The following RAB28 variants were observed in gnomAD, a reference collection of about 807,000 sequenced individuals.
The protein encoded by RAB28 is ras-related protein Rab-28.
Under a neutral mutation model 31.7 loss-of-function variants are expected in RAB28, and 24 were observed. That is an observed-to-expected ratio of 0.76 (90% CI 0.55 to 1.06). The LOEUF (loss-of-function observed/expected upper bound fraction) is 1.06. Ranked by LOEUF, RAB28 falls within the 50% of genes least tolerant of loss-of-function variation. The pLI is 0.00. For missense variants in RAB28, 254 were observed against 258.5 expected, an observed-to-expected ratio of 0.98 and a Z score of 0.12; for synonymous variants, 100 against 90.4, an observed-to-expected ratio of 1.11 and a Z score of -0.60.
At chr4:13,438,322 G>C (rs573941999) in intron 4 of RAB28, among the ~76,000 whole-genome samples, 3 of 152,224 alleles carry the variant, frequency 2.0e-5, no homozygotes, top group Admixed American at 1.3e-4. Context: ...AAAGCGTACA[G>C]TTTTTAGCAT....
intron 4 of RAB28, among the ~76,000 whole-genome samples, chr4:13,389,311 A>G (rs1388628508): frequency 1.3e-5 from 2 of 152,130 alleles, no homozygotes; most frequent in Non-Finnish European, 2.9e-5. Context: ...AGGCAGAGGA[A>G]AAAAGAAGTT....
chr4:13,483,281 T>C (rs1013041185), intron 1 of RAB28, among the ~76,000 whole-genome samples: 1 of 152,130 alleles, frequency 6.6e-6, no homozygotes, highest in Non-Finnish European at 1.5e-5. Flanking sequence ...CTGCCTGATA[T>C]TCTCACGCCC....
intron 4 of RAB28, among the ~76,000 whole-genome samples, chr4:13,397,737 G>T (rs1335021146): frequency 6.6e-6 from 1 of 151,894 alleles, no homozygotes; most frequent in East Asian, 1.9e-4. Flanking sequence ...GAAACTTGCG[G>T]ATTTTCTCTA....
At chr4:13,440,976 T>A (rs192345036) in intron 4 of RAB28, among the ~76,000 whole-genome samples, 1 of 151,948 alleles carries the variant, frequency 6.6e-6, no homozygotes, top group African/African-American at 2.4e-5. Flanking sequence ...ATTAGGAATG[T>A]GGAACTCAAA....
intron 4 of RAB28, among the ~76,000 whole-genome samples, chr4:13,395,893 T>A (rs1461112372): frequency 6.6e-5 from 10 of 152,068 alleles, no homozygotes; most frequent in Non-Finnish European, 1.5e-5. Flanking sequence ...TCCAACATGC[T>A]GTAAGAACAT....
At chr4:13,461,106 G>C (rs774248280) in intron 3 of RAB28, among the ~76,000 whole-genome samples, 1 of 152,082 alleles carries the variant, frequency 6.6e-6, no homozygotes, top group African/African-American at 2.4e-5. Context: ...GAATATGCTT[G>C]GTAAGTTACA....
chr4:13,430,547 T>C (rs1314906888), intron 4 of RAB28, among the ~76,000 whole-genome samples: 1 of 152,116 alleles, frequency 6.6e-6, no homozygotes, highest in Admixed American at 6.5e-5. Context: ...TTTGAGTACT[T>C]ACCGGGAATG....
intron 4 of RAB28, among the ~76,000 whole-genome samples, chr4:13,420,270 C>T (rs991154136): frequency 7.2e-5 from 11 of 152,092 alleles, no homozygotes; most frequent in African/African-American, 2.7e-4. Context: ...AATTAATGGT[C>T]TACCAACCAA....
At position 13,474,365 on chromosome 4, in the gene RAB28, G is replaced by A; in HGVS notation, c.214C>T (p.Gln72Ter). ...VTLQIWDIGG[Q>*]TIGGKMLDKY... ...TCCAACATTTTGCCTCCTATTGTCT[G>A]CCCTCCTATATCCCAAATTTGAAGG... Residue 72 changes from glutamine to a stop codon, truncating the protein, a stop_gained, in exon 3 of 7, where the codon CAG becomes TAG. Transcript: ENST00000330852. LOFTEE classifies it high-confidence loss of function. The A allele has an allele frequency of 1.3e-6, 2 of 1,597,854 alleles. No homozygotes were observed. Among genetic ancestry groups the A allele is most frequent in the Non-Finnish European group, 8.6e-7 (1 of 1,168,538 alleles).
intron 4 of RAB28, among the ~76,000 whole-genome samples, chr4:13,423,282 T>C (rs190477381): frequency 0.011 from 1,679 of 152,134 alleles, 14 homozygotes; most frequent in Non-Finnish European, 0.015. Context: ...ACGGCTGTAA[T>C]CCCAACACTT....
chr4:13,439,268 T>C (rs905634723), intron 4 of RAB28, among the ~76,000 whole-genome samples: 1 of 152,240 alleles, frequency 6.6e-6, no homozygotes, highest in South Asian at 2.1e-4. Context: ...TTAATTTTGA[T>C]GTAATATTTT....
At chr4:13,464,467 A>G (rs1194076795) in intron 3 of RAB28, among the ~76,000 whole-genome samples, 1 of 152,110 alleles carries the variant, frequency 6.6e-6, no homozygotes, top group Non-Finnish European at 1.5e-5. Context: ...TGAAGGTCAC[A>G]GTCCCGAAAT....
intron 6 of RAB28, among the ~76,000 whole-genome samples, chr4:13,374,701 C>A (rs1728852771): frequency 6.6e-6 from 1 of 152,126 alleles, no homozygotes; most frequent in Admixed American, 6.6e-5. Flanking sequence ...TCCCTTACAT[C>A]CATCCAACCT....
At chr4:13,392,791 C>T (rs987628328) in intron 4 of RAB28, among the ~76,000 whole-genome samples, 8 of 152,050 alleles carry the variant, frequency 5.3e-5, no homozygotes, top group South Asian at 2.1e-4. Flanking sequence ...GAAATAAATA[C>T]GTTAATTAGC....
intron 1 of RAB28, among the ~76,000 whole-genome samples, chr4:13,480,850 G>A (rs142663547): frequency 1.2e-3 from 187 of 151,836 alleles, no homozygotes; most frequent in African/African-American, 4.3e-3. Flanking sequence ...GAAAAGATAG[G>A]TATTTCTTTT....
chr4:13,408,852 A>G (rs1712256832), intron 4 of RAB28, among the ~76,000 whole-genome samples: 1 of 152,224 alleles, frequency 6.6e-6, no homozygotes, highest in Non-Finnish European at 1.5e-5. Flanking sequence ...TCAGTGTTTT[A>G]GAACACATTA....
chr4:13,435,074 C>T (rs1218698898), intron 4 of RAB28, among the ~76,000 whole-genome samples: 1 of 142,694 alleles, frequency 7.0e-6, no homozygotes, highest in African/African-American at 2.6e-5. Context: ...CAAAGAGGAA[C>T]TCTCAAAACC....
At chr4:13,432,307 A>G (rs534076791) in intron 4 of RAB28, among the ~76,000 whole-genome samples, 1 of 152,276 alleles carries the variant, frequency 6.6e-6, no homozygotes, top group African/African-American at 2.4e-5. Context: ...GGCCAAACCT[A>G]AGACAAACTG....
At position 13,421,499 on chromosome 4, in the gene RAB28, C is replaced by G. The variant is rs78178034; in HGVS notation, c.391+39200G>C. Among the ~76,000 whole-genome samples, 3 of 152,282 alleles carry G rather than the reference C, an allele frequency of 2.0e-5. No homozygotes were observed. In the South Asian group the frequency reaches 6.2e-4, roughly 32 times the overall value. ...CTGGAGGCATCATGCTACCTGACTT[C>G]AAACTATACTACAAGGCTACAGTAA... On this transcript the variant is annotated intron_variant, in intron 4 of 6. Coordinates refer to ENST00000330852, the MANE Select transcript of RAB28 (RefSeq NM_001017979.3).
Sources: allele counts gnomAD v4.1 joint callset (sites outside exome capture counted in the v4.1 genomes callset), GRCh38; gene constraint gnomAD v4.1.1; transcripts MANE v1.5; gene names NCBI Gene and HGNC (gene_info 2026-07-23, HGNC 2026-07-21).